The following GLCCI1 variants were observed in gnomAD, a reference collection of about 807,000 sequenced individuals.
GLCCI1 encodes the protein glucocorticoid-induced transcript 1 protein.
In GLCCI1, 24 loss-of-function variants were observed where a neutral mutation model predicts 52.2. The observed-to-expected ratio is 0.46, with a 90% confidence interval of 0.33 to 0.65. The LOEUF (loss-of-function observed/expected upper bound fraction) is 0.65. Among genes scored for constraint, GLCCI1 ranks in the 30% least tolerant of loss-of-function variants. GLCCI1 has a pLI of 0.02. For missense variants in GLCCI1, 704 were observed against 701.5 expected, an observed-to-expected ratio of 1.00 and a Z score of -0.04; for synonymous variants, 310 against 276.5, an observed-to-expected ratio of 1.12 and a Z score of -1.20.
intron 3 of GLCCI1, among the ~76,000 whole-genome samples, chr7:8,051,275 A>G (rs1317065545): frequency 6.6e-6 from 1 of 152,246 alleles, no homozygotes; most frequent in Non-Finnish European, 1.5e-5. Flanking sequence ...GTGTATTTGC[A>G]GAGGTCTTCT....
At chr7:8,004,758 T>C (rs1435652767) in intron 2 of GLCCI1, among the ~76,000 whole-genome samples, 1 of 152,164 alleles carries the variant, frequency 6.6e-6, no homozygotes, top group Non-Finnish European at 1.5e-5. Flanking sequence ...TTATAAAAAT[T>C]GGTAAAAGAA....
chr7:8,024,254 T>C lies in GLCCI1; in HGVS notation c.696+1685T>C, dbSNP rs1236560036. ...TTTATTAGCATGATTTTACTTATGA[T>C]TGTATTACATTTTAGCAGCTTCTTT... On this transcript the variant is annotated intron_variant, in intron 3 of 7. Coordinates refer to ENST00000223145, the MANE Select transcript of GLCCI1 (RefSeq NM_138426.4). 5.3e-5 allele frequency among the ~76,000 whole-genome samples: 8 copies of C among 152,216 alleles called. No individual in the cohort carries two copies. The South Asian group carries it at 1.2e-3, about 24-fold the overall frequency.
chr7:7,975,762 GAGAC>G (rs930016423), intron 1 of GLCCI1, among the ~76,000 whole-genome samples: 3 of 152,150 alleles, frequency 2.0e-5, no homozygotes, highest in Admixed American at 1.3e-4. Flanking sequence ...TAAGGAGAAA[GAGAC>G]AGAGAGAATG....
In GLCCI1 at chr7:8,073,533, A is replaced by G. The variant is rs185722778; in HGVS notation, c.1177+2402A>G. Among the ~76,000 whole-genome samples, 219 of 152,192 alleles carry G rather than the reference A, an allele frequency of 1.4e-3. 2 individuals carry two copies. The highest frequency in any genetic ancestry group is 3.4e-3 in the Middle Eastern group (1 of 294). On this transcript the variant is annotated intron_variant, in intron 6 of 7. Coordinates refer to ENST00000223145, the MANE Select transcript of GLCCI1 (RefSeq NM_138426.4). ...TTTTTTTAATATGTAAAATGAGAACATTGGTTCAGATCATCTCTAAAGCTA... is the reference window on the plus strand; with the variant it reads ...TTTTTTTAATATGTAAAATGAGAACGTTGGTTCAGATCATCTCTAAAGCTA...
intron 1 of GLCCI1, among the ~76,000 whole-genome samples, chr7:7,972,333 G>A (rs949408867): frequency 2.6e-5 from 4 of 152,114 alleles, no homozygotes; most frequent in African/African-American, 9.7e-5. Flanking sequence ...ATGTGTGTGT[G>A]TGTGTGTGTG....
At chr7:8,081,731 T>C (rs1321020260) in intron 6 of GLCCI1, among the ~76,000 whole-genome samples, 1 of 152,238 alleles carries the variant, frequency 6.6e-6, no homozygotes, top group Admixed American at 6.5e-5. Flanking sequence ...TATTATCATA[T>C]GTTTAAAAGT....
chr7:8,069,713 A>G (rs891596733), intron 5 of GLCCI1, among the ~76,000 whole-genome samples: 1 of 152,226 alleles, frequency 6.6e-6, no homozygotes, highest in Non-Finnish European at 1.5e-5. Flanking sequence ...TTTCATTTGC[A>G]TAGTTTCAGA....
chr7:8,052,466 G>A (rs1782279944), intron 3 of GLCCI1, among the ~76,000 whole-genome samples: 1 of 152,166 alleles, frequency 6.6e-6, no homozygotes, highest in African/African-American at 2.4e-5. Flanking sequence ...TCAGTTAGAT[G>A]TCTCACACCC....
chr7:8,067,276 C>A (rs542523620), intron 5 of GLCCI1, among the ~76,000 whole-genome samples: 12 of 152,268 alleles, frequency 7.9e-5, no homozygotes, highest in Admixed American at 2.0e-4. Context: ...GGTGTCTTTG[C>A]ATGTGAGCCT....
At chr7:8,003,863 T>G in intron 1 of GLCCI1, 45 bp from the exon 2 acceptor site, 1 of 1,554,968 alleles carries the variant, frequency 6.4e-7, no homozygotes. Context: ...ACTTTAAATT[T>G]TATTTTATTC....
chr7:8,008,660 G>A (rs1781203590), intron 2 of GLCCI1, among the ~76,000 whole-genome samples: 2 of 152,182 alleles, frequency 1.3e-5, no homozygotes, highest in African/African-American at 2.4e-5. Context: ...ACTTACCCAA[G>A]TGTACACTTG....
At chr7:8,069,139 C>T (rs981020487) in intron 5 of GLCCI1, among the ~76,000 whole-genome samples, 1 of 152,168 alleles carries the variant, frequency 6.6e-6, no homozygotes. Context: ...TTTATGTTCT[C>T]TCCCAGCTTG....
chr7:8,041,612 C>T (rs1583994119), intron 3 of GLCCI1, among the ~76,000 whole-genome samples: 1 of 151,682 alleles, frequency 6.6e-6, no homozygotes. Context: ...TTCTTTTTTT[C>T]GAGACAAGGT....
At chr7:8,029,855 A>AAACACTGATTCTACAT (rs1183933299) in intron 3 of GLCCI1, among the ~76,000 whole-genome samples, 4 of 152,152 alleles carry the variant, frequency 2.6e-5, no homozygotes, top group African/African-American at 9.6e-5. Flanking sequence ...GAAGTGAAAG[A>AAACACTGATTCTACAT]TCTCTACAAT....
At chr7:8,061,101 C>CTTTTTTTTTTTTTTT (rs1183119492) in intron 5 of GLCCI1, among the ~76,000 whole-genome samples, 1 of 138,910 alleles carries the variant, frequency 7.2e-6, no homozygotes. Context: ...TGCTAGTGAT[C>CTTTTTTTTTTTTTTT]TTTTTTTTTT....
intron 2 of GLCCI1, among the ~76,000 whole-genome samples, chr7:8,012,232 T>A (rs1781278681): frequency 6.6e-6 from 1 of 152,188 alleles, no homozygotes; most frequent in Non-Finnish European, 1.5e-5. Flanking sequence ...TGATTAATGA[T>A]GCTGAGCATC....
At chr7:8,066,021 A>G (rs986486607) in intron 5 of GLCCI1, among the ~76,000 whole-genome samples, 1 of 152,122 alleles carries the variant, frequency 6.6e-6, no homozygotes, top group Non-Finnish European at 1.5e-5. Flanking sequence ...CTGTGGATCC[A>G]TGTGGTTCAG....
chr7:8,016,982 T>G (rs1781392762), intron 2 of GLCCI1, among the ~76,000 whole-genome samples: 1 of 152,196 alleles, frequency 6.6e-6, no homozygotes, highest in Admixed American at 6.5e-5. Flanking sequence ...CCAGAGCATG[T>G]GAGGGCTGTG....
chr7:8,068,369 TC>T (rs1218786311), intron 5 of GLCCI1, among the ~76,000 whole-genome samples: 1 of 152,160 alleles, frequency 6.6e-6, no homozygotes, highest in Non-Finnish European at 1.5e-5. Context: ...AAAAAAAATT[TC>T]GTCTTAGTTC....
Sources: allele counts gnomAD v4.1 joint callset (sites outside exome capture counted in the v4.1 genomes callset), GRCh38; gene constraint gnomAD v4.1.1; transcripts MANE v1.5; gene names NCBI Gene and HGNC (gene_info 2026-07-23, HGNC 2026-07-21).